ADAMTSL1: variants seen among roughly 807,000 people sequenced by gnomAD.
ADAMTSL1 encodes the protein ADAMTS like 1, also known as ADAMTS-like protein 1.
A neutral mutation model predicts 201.8 loss-of-function variants in ADAMTSL1; 126 were observed. The ratio of observed to expected loss-of-function variants is 0.62; its 90% confidence interval spans 0.54 to 0.72. The LOEUF (loss-of-function observed/expected upper bound fraction) is 0.72. Among genes scored for constraint, ADAMTSL1 ranks in the 30% least tolerant of loss-of-function variants. The pLI, the probability that ADAMTSL1 is intolerant of heterozygous loss-of-function variation, is 0.00. For synonymous variants in ADAMTSL1, 1,121 were observed against 903.4 expected (o/e 1.24, Z -4.32); for missense variants, 2,679 against 2,277.8 (o/e 1.18, Z -3.59).
At chr9:17,920,147 T>C (rs1378111589) in intron 1 of ADAMTSL1, among the ~76,000 whole-genome samples, 2 of 152,208 alleles carry the variant, frequency 1.3e-5, no homozygotes, top group Non-Finnish European at 1.5e-5. Flanking sequence ...AGAAAAGTTC[T>C]TAATTTATGT....
At chr9:17,968,892 T>C (rs1818087090) in intron 1 of ADAMTSL1, among the ~76,000 whole-genome samples, 1 of 152,058 alleles carries the variant, frequency 6.6e-6, no homozygotes, top group South Asian at 2.1e-4. Context: ...TATCTAGGGA[T>C]TTTTTCCTAT....
chr9:18,908,649 C>A lies in ADAMTSL1; in HGVS notation c.*101C>A. The A allele has an allele frequency of 1.1e-6, 1 of 947,810 alleles. No homozygotes were observed. Among genetic ancestry groups the A allele is most frequent in the Non-Finnish European group, 1.6e-6 (1 of 635,512 alleles). The allele number at this position is 947,810 out of a possible 1,614,324, so 58.7% of individuals were successfully genotyped here. A position where few individuals can be genotyped will look rare whatever the true frequency, so the allele number is the denominator to read the frequency against. On this transcript the variant is annotated 3_prime_UTR_variant, in exon 29 of 29. Coordinates refer to ENST00000380548, the MANE Select transcript of ADAMTSL1 (RefSeq NM_001040272.6). ...TTCTTCATTTTATTTATTTATTTCC[C>A]CCTCCCCACTCCACACACACCCTTC...
chr9:18,409,624 G>GT (rs1042490711), intron 2 of ADAMTSL1, among the ~76,000 whole-genome samples: 39 of 150,618 alleles, frequency 2.6e-4, no homozygotes, highest in African/African-American at 6.3e-4. Flanking sequence ...AGTTTAAACT[G>GT]TTTTTTTGTG....
chr9:18,861,733 C>T (rs1199455917), intron 23 of ADAMTSL1, among the ~76,000 whole-genome samples: 1 of 152,158 alleles, frequency 6.6e-6, no homozygotes, highest in Non-Finnish European at 1.5e-5. Flanking sequence ...ACCATTCGCT[C>T]TTTGGGCTTG....
At chr9:18,584,696 G>C (rs1421323786) in intron 4 of ADAMTSL1, among the ~76,000 whole-genome samples, 1 of 152,176 alleles carries the variant, frequency 6.6e-6, no homozygotes, top group Admixed American at 6.5e-5. Flanking sequence ...TTGTTACCAG[G>C]TGTGTCTGTG....
intron 22 of ADAMTSL1, among the ~76,000 whole-genome samples, chr9:18,829,258 C>A (rs1355383146): frequency 1.3e-5 from 2 of 152,214 alleles, no homozygotes; most frequent in Admixed American, 6.5e-5. Context: ...TAGCAACATT[C>A]TCCTCCCTGC....
chr9:18,127,324 G>A (rs1219731576), intron 1 of ADAMTSL1, among the ~76,000 whole-genome samples: 2 of 152,150 alleles, frequency 1.3e-5, no homozygotes, highest in Non-Finnish European at 2.9e-5. Flanking sequence ...AGATCCCTGA[G>A]ACACCACTTT....
intron 2 of ADAMTSL1, among the ~76,000 whole-genome samples, chr9:18,277,488 A>G (rs1832629508): frequency 6.6e-6 from 1 of 152,046 alleles, no homozygotes; most frequent in Non-Finnish European, 1.5e-5. Flanking sequence ...TGGTTTTTAT[A>G]TTGTCTTGAT....
intron 1 of ADAMTSL1, among the ~76,000 whole-genome samples, chr9:18,097,471 TA>T (rs1563998550): frequency 6.6e-6 from 1 of 152,214 alleles, no homozygotes. Flanking sequence ...ACCGTATATT[TA>T]ATTTTATAAG....
intron 23 of ADAMTSL1, among the ~76,000 whole-genome samples, chr9:18,876,059 C>T (rs1276149542): frequency 2.0e-5 from 3 of 152,092 alleles, no homozygotes; most frequent in South Asian, 2.1e-4. Flanking sequence ...AGAATAGCTA[C>T]TCCTGCTTGT....
At chr9:18,205,558 C>T (rs555864676) in intron 2 of ADAMTSL1, among the ~76,000 whole-genome samples, 1 of 152,016 alleles carries the variant, frequency 6.6e-6, no homozygotes, top group Non-Finnish European at 1.5e-5. Flanking sequence ...AAAACTGACA[C>T]ACAGAGGGTC....
At chr9:18,662,288 T>C (rs1319635340) in intron 9 of ADAMTSL1, among the ~76,000 whole-genome samples, 2 of 152,174 alleles carry the variant, frequency 1.3e-5, no homozygotes, top group African/African-American at 4.8e-5. Context: ...AGACTCCCCT[T>C]TTATAAAGCA....
rs557017639 is a variant in ADAMTSL1, at chr9:18,748,632, T to C, written c.2007-4666T>C. On this transcript the variant is annotated intron_variant, in intron 15 of 28. Transcript: ENST00000380548. ...GGAGTAAACAGTTGTGTAGAGGACA[T>C]AACTAAGATGTCCACCAGCCATGTG... Among the ~76,000 whole-genome samples the C allele has an allele frequency of 1.3e-4, 20 of 152,214 alleles. No homozygotes were observed. The East Asian group carries it at 3.9e-3, about 29-fold the overall frequency.
At chr9:17,937,850 C>A (rs1264065402) in intron 1 of ADAMTSL1, among the ~76,000 whole-genome samples, 1 of 152,082 alleles carries the variant, frequency 6.6e-6, no homozygotes, top group Non-Finnish European at 1.5e-5. Context: ...AGGTTTGAAT[C>A]AAAATAATGG....
intron 2 of ADAMTSL1, among the ~76,000 whole-genome samples, chr9:18,246,850 A>G (rs1368865478): frequency 6.6e-6 from 1 of 152,206 alleles, no homozygotes; most frequent in African/African-American, 2.4e-5. Context: ...AAGAATGGGC[A>G]TTTCAGTAGG....
chr9:18,302,413 A>G (rs1833741683), intron 2 of ADAMTSL1, among the ~76,000 whole-genome samples: 1 of 152,168 alleles, frequency 6.6e-6, no homozygotes. Context: ...AAAAAAGTTG[A>G]GTGCTGTTGC....
chr9:18,688,658 T>TA (rs1270730704), intron 13 of ADAMTSL1, among the ~76,000 whole-genome samples: 18 of 6,588 alleles, frequency 2.7e-3, no homozygotes, highest in Non-Finnish European at 5.4e-3. Context: ...ACAGAGCATT[T>TA]CAAAAAAAAA....
At chr9:18,413,228 A>C (rs1262548518) in intron 2 of ADAMTSL1, among the ~76,000 whole-genome samples, 1 of 148,492 alleles carries the variant, frequency 6.7e-6, no homozygotes, top group East Asian at 2.0e-4. Flanking sequence ...GGCTTGCTGC[A>C]ATCTTGGCTT....
intron 7 of ADAMTSL1, among the ~76,000 whole-genome samples, chr9:18,652,732 C>T (rs528963875): frequency 3.3e-5 from 5 of 152,242 alleles, no homozygotes; most frequent in Non-Finnish European, 7.4e-5. Flanking sequence ...TTTCAACTTA[C>T]AATATTTTCA....
Sources: allele counts gnomAD v4.1 joint callset (sites outside exome capture counted in the v4.1 genomes callset), GRCh38; gene constraint gnomAD v4.1.1; transcripts MANE v1.5; gene names NCBI Gene and HGNC (gene_info 2026-07-23, HGNC 2026-07-21).